Variants in CTDSPL observed in about 807,000 individuals in gnomAD.
CTDSPL encodes CTD small phosphatase like.
A neutral mutation model predicts 30.5 loss-of-function variants in CTDSPL; 8 were observed. The observed-to-expected ratio is 0.26, with a 90% CI of 0.15 to 0.47. The LOEUF is 0.47. Ranked by LOEUF, CTDSPL falls within the 20% of genes least tolerant of loss-of-function variation. The probability of loss-of-function intolerance (pLI) is 0.99; values close to 1 mark genes in which losing one functional copy is unlikely to be tolerated. For synonymous variants in CTDSPL, 110 were observed against 137.9 expected (o/e 0.80, Z 1.42); for missense variants, 248 against 366.1 (o/e 0.68, Z 2.63).
rs549094104 is a variant in CTDSPL at position 37,979,111 on chromosome 3, T to C, written c.706-1631T>C. ...ATTATGGCTAATAATAAGACAACTC[T>C]ATGCAGTTTAGGAATTTTTAGAGAG... On this transcript the variant is annotated intron_variant, in intron 7 of 7. Transcript: ENST00000273179. Among the ~76,000 whole-genome samples, 6 of 152,286 alleles carry C rather than the reference T, an allele frequency of 3.9e-5. No individual in the cohort carries two copies. The South Asian group carries it at 1.2e-3, about 32-fold the overall frequency.
chr3:37,914,643 A>G (rs1698622998), intron 1 of CTDSPL, among the ~76,000 whole-genome samples: 1 of 152,220 alleles, frequency 6.6e-6, no homozygotes. Context: ...CTGCAATAAA[A>G]TTAATTTGCT....
chr3:37,887,152 C>T (rs1698272262), intron 1 of CTDSPL, among the ~76,000 whole-genome samples: 1 of 152,120 alleles, frequency 6.6e-6, no homozygotes, highest in Non-Finnish European at 1.5e-5. Context: ...TGGGCCCAAG[C>T]TTGGGCCAGG....
intron 6 of CTDSPL, among the ~76,000 whole-genome samples, chr3:37,972,636 T>C (rs1575324582): frequency 1.3e-5 from 2 of 152,372 alleles, no homozygotes; most frequent in South Asian, 4.1e-4. Context: ...TTAAGGAAAC[T>C]AGCAGGTTCC....
chr3:37,878,148 T>A (rs1217836366), intron 1 of CTDSPL, among the ~76,000 whole-genome samples: 1 of 152,214 alleles, frequency 6.6e-6, no homozygotes, highest in Non-Finnish European at 1.5e-5. Context: ...TTCTCATGAG[T>A]GTGAGGTATT....
At chr3:37,921,191 C>A (rs756007562) in intron 1 of CTDSPL, among the ~76,000 whole-genome samples, 18 of 152,180 alleles carry the variant, frequency 1.2e-4, no homozygotes, top group Non-Finnish European at 2.4e-4. Flanking sequence ...GGGCCATTTT[C>A]CCCCCAGGTA....
intron 1 of CTDSPL, among the ~76,000 whole-genome samples, chr3:37,868,819 A>C (rs563494412): frequency 1.2e-4 from 18 of 152,220 alleles, no homozygotes; most frequent in African/African-American, 3.1e-4. Flanking sequence ...CTAAATAATA[A>C]GTCATGATAT....
chr3:37,911,784 C>G (rs115302050), intron 1 of CTDSPL: 1 of 454,554 alleles, frequency 2.2e-6, no homozygotes, highest in Non-Finnish European at 4.4e-6. Context: ...GACAGCCAGG[C>G]GCGGTGGTTC....
At chr3:37,940,243 A>G (rs1371360006) in intron 1 of CTDSPL, among the ~76,000 whole-genome samples, 1 of 150,620 alleles carries the variant, frequency 6.6e-6, no homozygotes, top group Admixed American at 6.6e-5. Context: ...CTCTCCTGCT[A>G]GATGTGGGCT....
chr3:37,930,459 G>T (rs1206843923), intron 1 of CTDSPL, among the ~76,000 whole-genome samples: 2 of 151,718 alleles, frequency 1.3e-5, no homozygotes, highest in African/African-American at 4.8e-5. Flanking sequence ...TTATTATTAT[G>T]ATTATTATTA....
intron 4 of CTDSPL, among the ~76,000 whole-genome samples, chr3:37,966,229 C>T (rs1486881495): frequency 6.6e-6 from 1 of 152,206 alleles, no homozygotes; most frequent in African/African-American, 2.4e-5. Context: ...AATGGTGTTT[C>T]CTCATTTCTT....
chr3:37,958,198 A>G (rs942014976), intron 3 of CTDSPL, among the ~76,000 whole-genome samples: 1 of 152,208 alleles, frequency 6.6e-6, no homozygotes, highest in Non-Finnish European at 1.5e-5. Context: ...AAATTGCCCA[A>G]AAAGTTTACA....
intron 1 of CTDSPL, among the ~76,000 whole-genome samples, chr3:37,906,021 C>T (rs1483651960): frequency 6.6e-6 from 1 of 152,170 alleles, no homozygotes; most frequent in Non-Finnish European, 1.5e-5. Context: ...CCTGCAGAGG[C>T]GCAGTACCTT....
chr3:37,956,965 A>T, intron 2 of CTDSPL, 146 bp from the exon 3 acceptor site: 1 of 722,182 alleles, frequency 1.4e-6, no homozygotes. Context: ...GAAAATTTTC[A>T]GGTTCCTCCT....
chr3:37,927,634 A>ATGTGTG (rs1431482375), intron 1 of CTDSPL, among the ~76,000 whole-genome samples: 6 of 78,432 alleles, frequency 7.6e-5, no homozygotes, highest in South Asian at 4.5e-4. Flanking sequence ...AAAGAAAAAT[A>ATGTGTG]TATGTGTGTG....
chr3:37,944,230 A>G (rs1052100575), intron 1 of CTDSPL, among the ~76,000 whole-genome samples: 1 of 150,494 alleles, frequency 6.6e-6, no homozygotes, highest in African/African-American at 2.4e-5. Context: ...ATGGTCTGAC[A>G]ATTAATTACT....
rs2125638121 is a variant in CTDSPL at position 37,982,491 on chromosome 3, G to A, written c.*1624G>A. 2.2e-6 allele frequency: 1 copy of A among 455,346 alleles called. No individual in the cohort carries two copies. The highest frequency in any genetic ancestry group is 4.4e-6 in the Non-Finnish European group (1 of 225,974). The allele number at this position is 455,346 out of a possible 1,614,324, so 28.2% of individuals were successfully genotyped here. A position where few individuals can be genotyped will look rare whatever the true frequency, so the allele number is the denominator to read the frequency against. ...TTGGTCTTCAGCCAGCATTCTGGTGGGAGTGACTGGCATTAACAAGACTGG... is the reference window on the plus strand; with the variant it reads ...TTGGTCTTCAGCCAGCATTCTGGTGAGAGTGACTGGCATTAACAAGACTGG... On this transcript the variant is annotated 3_prime_UTR_variant, in exon 8 of 8. Coordinates refer to ENST00000273179, the MANE Select transcript of CTDSPL (RefSeq NM_001008392.2).
At chr3:37,927,636 A>G (rs9836045) in intron 1 of CTDSPL, among the ~76,000 whole-genome samples, 12,629 of 115,370 alleles carry the variant, frequency 0.11, 907 homozygotes, top group African/African-American at 0.24. Flanking sequence ...AGAAAAATAT[A>G]TGTGTGTGTG....
intron 1 of CTDSPL, among the ~76,000 whole-genome samples, chr3:37,882,176 C>T (rs1261969292): frequency 1.3e-5 from 2 of 152,086 alleles, no homozygotes; most frequent in African/African-American, 4.8e-5. Flanking sequence ...GGCACGGTGG[C>T]TCACGCCTGT....
In CTDSPL at chr3:37,964,353, G is replaced by T. The variant is rs189302439; in HGVS notation, c.268-218G>T. ...TGACAGAGCTGATGATTGAAACCAG[G>T]TTTGTCTGGTTCCAAAGCCTAGGAC... On this transcript the variant is annotated intron_variant, in intron 3 of 7. Coordinates refer to ENST00000273179, the MANE Select transcript of CTDSPL (RefSeq NM_001008392.2). 3.0e-3 allele frequency among the ~76,000 whole-genome samples: 463 copies of T among 152,264 alleles called. 2 individuals are homozygous for T. Among genetic ancestry groups the T allele is most frequent in the Non-Finnish European group, 5.3e-3 (358 of 68,014 alleles).
Sources: allele counts gnomAD v4.1 joint callset (sites outside exome capture counted in the v4.1 genomes callset), GRCh38; gene constraint gnomAD v4.1.1; transcripts MANE v1.5; gene names NCBI Gene and HGNC (gene_info 2026-07-23, HGNC 2026-07-21).